KIAA0232: variants seen among roughly 807,000 people sequenced by gnomAD.
KIAA0232 encodes KIAA0232, also known as uncharacterized protein KIAA0232.
A neutral mutation model predicts 122.0 loss-of-function variants in KIAA0232; 27 were observed. The observed-to-expected ratio is 0.22, with a 90% CI of 0.16 to 0.31. The LOEUF (loss-of-function observed/expected upper bound fraction) is 0.31. KIAA0232 is among the 10% of genes least tolerant of loss of function. The pLI, the probability that KIAA0232 is intolerant of heterozygous loss-of-function variation, is 1.00. For missense variants in KIAA0232, 1,551 were observed against 1,634.2 expected (o/e 0.95, Z 0.88); for synonymous variants, 613 against 587.6 (o/e 1.04, Z -0.63).
chr4:6,791,635 C>T lies in KIAA0232; in HGVS notation c.-354+8794C>T, dbSNP rs193037164. ...TAAACCACTATGCCTGGACTCAAGC[C>T]GACTTTTTAACATGAACAATAAGTC... On this transcript the variant is annotated intron_variant, in intron 1 of 9. Transcript: ENST00000307659. Among the ~76,000 whole-genome samples, 180 of 152,138 alleles carry T rather than the reference C, an allele frequency of 1.2e-3. 1 individual carries two copies. The highest frequency in any genetic ancestry group is 5.9e-4 in the Non-Finnish European group (40 of 67,982).
At chr4:6,790,392 CTTTTTT>C (rs10532360) in intron 1 of KIAA0232, among the ~76,000 whole-genome samples, 5 of 109,368 alleles carry the variant, frequency 4.6e-5, no homozygotes, top group South Asian at 3.0e-4. Flanking sequence ...TAAAAAAGGT[CTTTTTT>C]TTTTTTTTTT....
chr4:6,788,231 T>G (rs909878486), intron 1 of KIAA0232, among the ~76,000 whole-genome samples: 48 of 152,186 alleles, frequency 3.2e-4, no homozygotes, highest in African/African-American at 1.1e-3. Flanking sequence ...TTGCCTAGAC[T>G]GGCTTCAAAC....
chr4:6,842,042 T>C, intron 3 of KIAA0232, 25 bp from the exon 4 acceptor site: 1 of 1,612,802 alleles, frequency 6.2e-7, no homozygotes, highest in Non-Finnish European at 8.5e-7. Context: ...CCCTGGTCAT[T>C]TAACCTGGTG....
intron 3 of KIAA0232, among the ~76,000 whole-genome samples, chr4:6,839,709 C>A (rs558471479): frequency 1.3e-5 from 2 of 152,164 alleles, no homozygotes; most frequent in South Asian, 2.1e-4. Flanking sequence ...GAAACAGACC[C>A]TGAAGAGACT....
At chr4:6,840,270 G>T (rs545622494) in intron 3 of KIAA0232, among the ~76,000 whole-genome samples, 2 of 152,164 alleles carry the variant, frequency 1.3e-5, no homozygotes, top group Admixed American at 1.3e-4. Flanking sequence ...CATGTTCCCC[G>T]CATTCCCAGC....
At chr4:6,852,634 G>C (rs912591200) in intron 4 of KIAA0232, among the ~76,000 whole-genome samples, 4 of 152,172 alleles carry the variant, frequency 2.6e-5, no homozygotes, top group Non-Finnish European at 5.9e-5. Context: ...TTCAGTTATT[G>C]CTACATGACT....
intron 2 of KIAA0232, among the ~76,000 whole-genome samples, chr4:6,823,248 T>C (rs949093553): frequency 6.6e-6 from 1 of 152,094 alleles, no homozygotes; most frequent in African/African-American, 2.4e-5. Flanking sequence ...TACGTGTGCA[T>C]ATGTCTTTAT....
intron 4 of KIAA0232, among the ~76,000 whole-genome samples, chr4:6,847,748 C>T (rs1315531753): frequency 6.6e-6 from 1 of 151,962 alleles, no homozygotes; most frequent in Non-Finnish European, 1.5e-5. Flanking sequence ...CCTCCAGATG[C>T]ATATTTTTTA....
chr4:6,817,404 A>G (rs987761286), intron 2 of KIAA0232, among the ~76,000 whole-genome samples: 4 of 152,044 alleles, frequency 2.6e-5, no homozygotes, highest in African/African-American at 9.7e-5. Context: ...TTTTTAGTAG[A>G]CGGGGTTTCA....
rs757151523 is a variant in KIAA0232, at chr4:6,861,031, A to C, written c.649A>C (p.Thr217Pro). The C allele has an allele frequency of 8.1e-6, 13 of 1,614,088 alleles. No homozygotes were observed. Among genetic ancestry groups the C allele is most frequent in the Non-Finnish European group, 1.1e-5 (13 of 1,180,046 alleles). ...SSSSTAPPASTDTSSPKDCNS... is the reference protein window; with the variant it reads ...SSSSTAPPASPDTSSPKDCNS... ...ATCATCCACAGCCCCACCAGCTAGC[A>C]CAGATACTTCCTCTCCTAAGGACTG... Residue 217 changes from threonine (T) to proline (P), a missense_variant, in exon 7 of 10, where the codon ACA becomes CCA. Thr to Pro is a conservative substitution (Grantham distance 38). This residue lies in a region of KIAA0232 where 377 missense variants were observed against 381.7 expected (regional missense o/e 0.99). Transcript: ENST00000307659.
intron 2 of KIAA0232, among the ~76,000 whole-genome samples, chr4:6,805,454 C>T (rs377188773): frequency 3.3e-5 from 5 of 152,200 alleles, no homozygotes; most frequent in Admixed American, 2.6e-4. Context: ...TGCTTCTTAC[C>T]TAAGTCCGTT....
intron 2 of KIAA0232, among the ~76,000 whole-genome samples, chr4:6,813,583 C>CT (rs1717977167): frequency 6.6e-6 from 1 of 151,886 alleles, no homozygotes; most frequent in Non-Finnish European, 1.5e-5. Flanking sequence ...AGGATGGTCT[C>CT]GATCTCCTGA....
At chr4:6,848,362 A>G (rs1330567538) in intron 4 of KIAA0232, among the ~76,000 whole-genome samples, 1 of 152,192 alleles carries the variant, frequency 6.6e-6, no homozygotes, top group East Asian at 1.9e-4. Flanking sequence ...CTTCATACCC[A>G]TGAGTTCTAC....
chr4:6,838,638 T>G (rs1376227218), intron 3 of KIAA0232, among the ~76,000 whole-genome samples: 4 of 151,642 alleles, frequency 2.6e-5, no homozygotes, highest in Admixed American at 6.6e-5. Flanking sequence ...ACATTTAAAA[T>G]AAATCTGTTA....
rs556092840 is a variant in KIAA0232, at chr4:6,812,680, G to A, written c.-270+8074G>A. Reference sequence around the variant, plus strand: ...ACATGAGAAGAAAGAAAGAAGTGCTGTGGTACTAATATATATCGGCAAGTG... The same window carrying A: ...ACATGAGAAGAAAGAAAGAAGTGCTATGGTACTAATATATATCGGCAAGTG... On this transcript the variant is annotated intron_variant, in intron 2 of 9. Coordinates refer to ENST00000307659, the MANE Select transcript of KIAA0232 (RefSeq NM_014743.3). 4.3e-4 allele frequency among the ~76,000 whole-genome samples: 66 copies of A among 152,278 alleles called. 1 individual carries two copies. The South Asian group carries it at 0.011, about 25-fold the overall frequency.
intron 1 of KIAA0232, among the ~76,000 whole-genome samples, chr4:6,802,512 T>C (rs558677391): frequency 6.6e-6 from 1 of 152,278 alleles, no homozygotes; most frequent in South Asian, 2.1e-4. Context: ...GGTAAGTCTC[T>C]TTCTCTTTCT....
intron 1 of KIAA0232, among the ~76,000 whole-genome samples, chr4:6,801,738 A>T (rs1017135069): frequency 6.6e-6 from 1 of 152,172 alleles, no homozygotes; most frequent in African/African-American, 2.4e-5. Flanking sequence ...TTTAATTAGC[A>T]TATCCATGTT....
At chr4:6,856,192 G>T (rs1720559402) in intron 4 of KIAA0232, among the ~76,000 whole-genome samples, 2 of 152,148 alleles carry the variant, frequency 1.3e-5, no homozygotes, top group African/African-American at 2.4e-5. Context: ...AGTGAATGGG[G>T]TAAAGTTCTA....
At chr4:6,826,998 A>C (rs529301986) in intron 3 of KIAA0232, among the ~76,000 whole-genome samples, 24 of 152,198 alleles carry the variant, frequency 1.6e-4, no homozygotes, top group Non-Finnish European at 2.1e-4. Flanking sequence ...TCCTCCCTCC[A>C]GAGTTCCGGT....
Sources: gnomAD v4.1 joint callset for allele counts (sites outside exome capture counted in the v4.1 genomes callset) on GRCh38, gnomAD v4.1.1 for gene constraint, gnomAD v4.1.1 regional missense constraint, MANE v1.5 for transcripts, NCBI Gene and HGNC (gene_info 2026-07-23, HGNC 2026-07-21) for gene names.